The following MRPS6 variants were observed in gnomAD, a reference collection of about 807,000 sequenced individuals.
MRPS6 encodes the protein mitochondrial ribosomal protein S6.
MRPS6 carries 6 observed loss-of-function variants against 13.1 expected under a neutral mutation model. The observed-to-expected ratio is 0.46, with a 90% CI of 0.25 to 0.91. The LOEUF is 0.91. Ranked by LOEUF, MRPS6 falls within the 40% of genes least tolerant of loss-of-function variation. The probability of loss-of-function intolerance (pLI) is 0.18; values close to 1 mark genes in which losing one functional copy is unlikely to be tolerated. For missense variants in MRPS6, 164 were observed against 155.6 expected (o/e 1.05, Z -0.29); for synonymous variants, 61 against 56.5 (o/e 1.08, Z -0.36).
chr21:34,090,901 A>G (rs1978651000), intron 1 of MRPS6, among the ~76,000 whole-genome samples: 1 of 152,160 alleles, frequency 6.6e-6, no homozygotes, highest in Admixed American at 6.5e-5. Flanking sequence ...TAGATGTGGT[A>G]CCTACACCCA....
In MRPS6 at chr21:34,096,878, A is replaced by C; in HGVS notation, c.45+23133A>C. 2 of 1,614,126 alleles carry C rather than the reference A, an allele frequency of 1.2e-6. No individual in the cohort carries two copies. Among genetic ancestry groups the C allele is most frequent in the Non-Finnish European group, 8.5e-7 (1 of 1,179,980 alleles). On this transcript the variant is annotated intron_variant, in intron 1 of 2. Transcript: ENST00000399312. This position sits in a 1 kb window ranked among gnomAD's most constrained non-coding sequence, Gnocchi z 5.9. ...TGGTGGTGAAGGAGAACTGCTCCCC[A>C]AAAGAGGAACCATACAAAATGCAAG...
chr21:34,085,100 T>C (rs1978324517), intron 1 of MRPS6, among the ~76,000 whole-genome samples: 1 of 152,186 alleles, frequency 6.6e-6, no homozygotes, highest in African/African-American at 2.4e-5. Context: ...AGTAATAGTT[T>C]TTAGTGTTTT....
rs779810969 is a variant in MRPS6 at position 34,096,772 on chromosome 21, T to C, written c.45+23027T>C. On this transcript the variant is annotated intron_variant, in intron 1 of 2. Transcript: ENST00000399312. This position sits in a 1 kb window ranked among gnomAD's most constrained non-coding sequence, Gnocchi z 5.9. The stretch of plus-strand genomic sequence containing the variant: ...GGATTGTTTTGGGTCACGGGACTCA[T>C]TACTGTAATTGTGAGCCTTCTCACA... The C allele has an allele frequency of 3.7e-6, 6 of 1,614,046 alleles. No individual in the cohort carries two copies. The East Asian group carries it at 1.3e-4, about 36-fold the overall frequency.
chr21:34,138,891 T>C (rs2123276328), intron 2 of MRPS6, among the ~76,000 whole-genome samples: 1 of 152,126 alleles, frequency 6.6e-6, no homozygotes, highest in East Asian at 1.9e-4. Context: ...TGCATACATA[T>C]GTTTATTGCG....
intron 2 of MRPS6, among the ~76,000 whole-genome samples, chr21:34,130,125 C>T (rs1980451944): frequency 6.6e-6 from 1 of 152,126 alleles, no homozygotes; most frequent in African/African-American, 2.4e-5. Context: ...CCCCCATCCC[C>T]CCACCCACTG....
Position 34,142,729 on chromosome 21 carries a change from G to A in MRPS6, c.*129G>A, listed in dbSNP as rs976863490. 14 of 1,168,030 alleles carry A rather than the reference G, an allele frequency of 1.2e-5. No homozygotes were observed. The African/African-American group carries it at 2.0e-4, about 17-fold the overall frequency. The allele number at this position is 1,168,030 out of a possible 1,614,324, so 72.4% of individuals were successfully genotyped here. On this transcript the variant is annotated 3_prime_UTR_variant, in exon 3 of 3. Transcript: ENST00000399312. Reference sequence around the variant, plus strand: ...GCAGGTGCTGTTTGATTTTTCTAAGGTATTTTTAGCCCTTGATCCCCTTTG... The same window carrying A: ...GCAGGTGCTGTTTGATTTTTCTAAGATATTTTTAGCCCTTGATCCCCTTTG...
At chr21:34,110,684 C>G (rs1979662171) in intron 1 of MRPS6, among the ~76,000 whole-genome samples, 2 of 152,066 alleles carry the variant, frequency 1.3e-5, no homozygotes, top group South Asian at 4.1e-4. Context: ...AATCGTTGCC[C>G]CTTGCGTTAG....
At chr21:34,074,136 T>C (rs1332025112) in intron 1 of MRPS6, among the ~76,000 whole-genome samples, 1 of 148,558 alleles carries the variant, frequency 6.7e-6, no homozygotes, top group East Asian at 2.0e-4. Flanking sequence ...TCCCCGCCAG[T>C]CGTGAAGCTG....
intron 1 of MRPS6, among the ~76,000 whole-genome samples, chr21:34,079,106 C>T (rs1425439707): frequency 6.6e-6 from 1 of 152,184 alleles, no homozygotes; most frequent in Non-Finnish European, 1.5e-5. Flanking sequence ...AGTTGGCAGC[C>T]TGTGGCTTCC....
chr21:34,125,059 T>C (rs1426208134), intron 1 of MRPS6: 2 of 306,652 alleles, frequency 6.5e-6, no homozygotes, highest in Non-Finnish European at 5.9e-6. Context: ...AAGCCACTCA[T>C]TAGTTCCTGC....
rs142076248 is a variant in MRPS6 at position 34,142,472 on chromosome 21, C to G, written c.250C>G (p.Arg84Gly). The G allele has an allele frequency of 1.9e-6, 3 of 1,607,942 alleles. No homozygotes were observed. Among genetic ancestry groups the G allele is most frequent in the Admixed American group, 3.4e-5 (2 of 59,066 alleles). Reference protein sequence around the residue: ...AVESMVEHLSRDIDVIRGNIV... With the variant: ...AVESMVEHLSGDIDVIRGNIV... ...TGAAAGCATGGTGGAGCACTTGTCT[C>G]GAGATATAGATGTGATTAGAGGGAA... is the stretch of plus-strand genomic sequence containing the variant. The change falls in exon 3 of 3, where the codon CGA (arginine) becomes GGA (glycine). Residue 84 changes from arginine (R) to glycine (G), a missense_variant. Transcript: ENST00000399312.
At chr21:34,091,369 T>A (rs1978682924) in intron 1 of MRPS6, among the ~76,000 whole-genome samples, 1 of 152,180 alleles carries the variant, frequency 6.6e-6, no homozygotes, top group Non-Finnish European at 1.5e-5. Flanking sequence ...ATTTTATTAT[T>A]TTTTTGATAG....
At chr21:34,140,394 A>G (rs574608342) in intron 2 of MRPS6, among the ~76,000 whole-genome samples, 2 of 152,022 alleles carry the variant, frequency 1.3e-5, no homozygotes, top group South Asian at 2.1e-4. Flanking sequence ...GCTTATTTAG[A>G]TATCTGTTTA....
At chr21:34,125,649 G>A (rs1231002379) in intron 2 of MRPS6, among the ~76,000 whole-genome samples, 169 bp downstream of exon 2, 5 of 152,152 alleles carry the variant, frequency 3.3e-5, no homozygotes, top group African/African-American at 1.2e-4. Flanking sequence ...GATGTGATAT[G>A]CTGGCCCTTC....
intron 2 of MRPS6, among the ~76,000 whole-genome samples, chr21:34,142,037 CACA>C (rs1156381553): frequency 1.3e-5 from 2 of 152,190 alleles, no homozygotes; most frequent in Admixed American, 6.5e-5. Flanking sequence ...CACACACACA[CACA>C]ACATTAATGA....
chr21:34,099,929 C>T (rs942130181), intron 1 of MRPS6: 5 of 363,068 alleles, frequency 1.4e-5, no homozygotes, highest in African/African-American at 1.1e-4. Context: ...CAACTTAATT[C>T]AGGGACCAGT....
intron 1 of MRPS6, among the ~76,000 whole-genome samples, chr21:34,114,868 A>G (rs184880861): frequency 4.4e-4 from 67 of 152,322 alleles, no homozygotes; most frequent in African/African-American, 1.6e-3. Context: ...TGGATCTCCT[A>G]TAATTATGTC....
chr21:34,133,441 G>A (rs1193511860), intron 2 of MRPS6, among the ~76,000 whole-genome samples: 1 of 152,188 alleles, frequency 6.6e-6, no homozygotes, highest in Non-Finnish European at 1.5e-5. Flanking sequence ...GAGACTCCTA[G>A]GCTAGCTCAC....
chr21:34,126,926 T>A (rs1980326816), intron 2 of MRPS6, among the ~76,000 whole-genome samples: 1 of 152,154 alleles, frequency 6.6e-6, no homozygotes. Flanking sequence ...TTCACTCAGT[T>A]CATTTTCAGA....
Sources: gnomAD v4.1 joint callset for allele counts (sites outside exome capture counted in the v4.1 genomes callset) on GRCh38, gnomAD v4.1.1 for gene constraint, Gnocchi (gnomAD v3.1) non-coding constraint, MANE v1.5 for transcripts, NCBI Gene and HGNC (gene_info 2026-07-23, HGNC 2026-07-21) for gene names.